KCNIP4: variants seen among roughly 807,000 people sequenced by gnomAD.
KCNIP4 encodes potassium voltage-gated channel interacting protein 4.
In KCNIP4, 12 loss-of-function variants were observed where a neutral mutation model predicts 34.0. The ratio of observed to expected loss-of-function variants is 0.35; its 90% confidence interval spans 0.23 to 0.57. KCNIP4 has a LOEUF of 0.57. Ranked by LOEUF, KCNIP4 falls within the 20% of genes least tolerant of loss-of-function variation. KCNIP4 has a pLI of 0.83. For synonymous variants in KCNIP4, 124 were observed against 102.2 expected, an observed-to-expected ratio of 1.21 and a Z score of -1.29; for missense variants, 238 against 311.7, an observed-to-expected ratio of 0.76 and a Z score of 1.78.
chr4:21,904,279 T>A (rs1207300397), intron 1 of KCNIP4, among the ~76,000 whole-genome samples: 1 of 152,190 alleles, frequency 6.6e-6, no homozygotes, highest in Admixed American at 6.5e-5. Flanking sequence ...GGATTCAAAT[T>A]CTTGTTCCTC....
intron 1 of KCNIP4, among the ~76,000 whole-genome samples, chr4:21,078,200 A>G (rs745672180): frequency 1.3e-5 from 2 of 152,082 alleles, no homozygotes; most frequent in Non-Finnish European, 2.9e-5. Flanking sequence ...GAGTGACTGG[A>G]AAGAGTCAGG....
At chr4:21,897,307 A>G (rs1251861975) in intron 1 of KCNIP4, among the ~76,000 whole-genome samples, 1 of 152,188 alleles carries the variant, frequency 6.6e-6, no homozygotes, top group African/African-American at 2.4e-5. Flanking sequence ...TAAGACAGTA[A>G]AAGAACAGCA....
intron 3 of KCNIP4, among the ~76,000 whole-genome samples, chr4:20,806,343 C>CT (rs1489753941): frequency 6.6e-6 from 1 of 151,702 alleles, no homozygotes; most frequent in South Asian, 2.1e-4. Flanking sequence ...CTCTTGTGTG[C>CT]TTTTTTATTT....
intron 1 of KCNIP4, among the ~76,000 whole-genome samples, chr4:20,939,129 C>T (rs1330552192): frequency 2.0e-5 from 3 of 152,018 alleles, no homozygotes; most frequent in Non-Finnish European, 4.4e-5. Flanking sequence ...CCTGATGTTG[C>T]TCTAAATCTC....
At chr4:21,024,721 C>T (rs941015736) in intron 1 of KCNIP4, among the ~76,000 whole-genome samples, 15 of 152,142 alleles carry the variant, frequency 9.9e-5, no homozygotes, top group African/African-American at 2.2e-4. Context: ...CAACTCCGCC[C>T]GCTGACATTT....
chr4:20,747,561 C>T (rs1578501141), intron 5 of KCNIP4, among the ~76,000 whole-genome samples: 1 of 152,280 alleles, frequency 6.6e-6, no homozygotes, highest in Admixed American at 6.5e-5. Context: ...ATCTCCTCTC[C>T]CTCCACTAAC....
At chr4:21,505,465 G>A (rs1337884423) in intron 1 of KCNIP4, among the ~76,000 whole-genome samples, 2 of 152,158 alleles carry the variant, frequency 1.3e-5, no homozygotes, top group East Asian at 3.9e-4. Flanking sequence ...GTTTTCTGCA[G>A]GTGCCATGCT....
At chr4:21,112,272 C>G (rs1339605030) in intron 1 of KCNIP4, among the ~76,000 whole-genome samples, 3 of 152,278 alleles carry the variant, frequency 2.0e-5, no homozygotes, top group East Asian at 1.9e-4. Context: ...CTATCTAGCT[C>G]TAACCATTTC....
At chr4:21,514,657 T>C (rs1354147155) in intron 1 of KCNIP4, among the ~76,000 whole-genome samples, 3 of 151,280 alleles carry the variant, frequency 2.0e-5, no homozygotes, top group African/African-American at 7.3e-5. Flanking sequence ...AAGATAAAAA[T>C]AAAAACGGAA....
chr4:21,048,974 G>C (rs1468849633), intron 1 of KCNIP4, among the ~76,000 whole-genome samples: 1 of 126,174 alleles, frequency 7.9e-6, no homozygotes, highest in African/African-American at 3.2e-5. Flanking sequence ...TTTTTGAGAC[G>C]GAGTCTCGCT....
chr4:21,591,530 A>T (rs1742221520), intron 1 of KCNIP4, among the ~76,000 whole-genome samples: 1 of 152,036 alleles, frequency 6.6e-6, no homozygotes. Context: ...TGTCTAAATT[A>T]TGATTGCCCT....
At chr4:21,290,357 T>A (rs962768118) in intron 1 of KCNIP4, among the ~76,000 whole-genome samples, 2 of 151,974 alleles carry the variant, frequency 1.3e-5, no homozygotes, top group African/African-American at 2.4e-5. Context: ...GAAAAAAAAA[T>A]AATGTATGTT....
chr4:20,797,228 AT>A (rs1314519886), intron 3 of KCNIP4, among the ~76,000 whole-genome samples: 2 of 152,256 alleles, frequency 1.3e-5, no homozygotes, highest in Admixed American at 1.3e-4. Context: ...AAGTACACAG[AT>A]ATAAGGTCAG....
chr4:21,400,988 C>CCGTCTCTA (rs1723509705), intron 1 of KCNIP4, among the ~76,000 whole-genome samples: 1 of 152,008 alleles, frequency 6.6e-6, no homozygotes, highest in Non-Finnish European at 1.5e-5. Context: ...TGGTGAAACC[C>CCGTCTCTA]CGTCTCTACT....
At chr4:21,700,538 T>C (rs1712748774) in intron 1 of KCNIP4, among the ~76,000 whole-genome samples, 1 of 151,420 alleles carries the variant, frequency 6.6e-6, no homozygotes, top group Non-Finnish European at 1.5e-5. Flanking sequence ...TTGTGGGTTA[T>C]CTTTTCACTG....
At position 21,443,967 on chromosome 4, in the gene KCNIP4, C is replaced by A. The variant is rs1280334066; in HGVS notation, c.61+504604G>T. ...TATCACCACTGATCCCACAGAAATA[C>A]AAACTACCATCAGAGAATACTATAA... On this transcript the variant is annotated intron_variant, in intron 1 of 8. Transcript: ENST00000382152. Among the ~76,000 whole-genome samples the A allele has an allele frequency of 2.6e-5, 4 of 152,182 alleles. No homozygotes were observed. In the East Asian group the frequency reaches 7.7e-4, roughly 29 times the overall value.
chr4:20,834,242 G>C (rs886310946), intron 3 of KCNIP4, among the ~76,000 whole-genome samples: 1 of 152,132 alleles, frequency 6.6e-6, no homozygotes, highest in Non-Finnish European at 1.5e-5. Flanking sequence ...AGATCCCATG[G>C]CCCTGCCTAA....
At chr4:21,879,135 A>G (rs28712064) in intron 1 of KCNIP4, among the ~76,000 whole-genome samples, 13,106 of 152,126 alleles carry the variant, frequency 0.086, 1,904 homozygotes, top group African/African-American at 0.3. Flanking sequence ...TATATTGCAA[A>G]ATGAAAATAT....
chr4:21,489,909 A>C (rs553273126), intron 1 of KCNIP4, among the ~76,000 whole-genome samples: 1 of 152,218 alleles, frequency 6.6e-6, no homozygotes, highest in African/African-American at 2.4e-5. Flanking sequence ...CTTGATTTGA[A>C]GAAAAAGTGA....
Sources: gnomAD v4.1 joint callset for allele counts (sites outside exome capture counted in the v4.1 genomes callset) on GRCh38, gnomAD v4.1.1 for gene constraint, MANE v1.5 for transcripts, NCBI Gene and HGNC (gene_info 2026-07-23, HGNC 2026-07-21) for gene names.